Variants in NF1 observed in about 807,000 individuals in gnomAD.
NF1 encodes the protein neurofibromin.
A neutral mutation model predicts 325.7 loss-of-function variants in NF1; 122 were observed. The ratio of observed to expected loss-of-function variants is 0.37; its 90% CI spans 0.32 to 0.44. NF1 has a LOEUF of 0.44. NF1 is among the 20% of genes least tolerant of loss of function. The pLI, the probability that NF1 is intolerant of heterozygous loss-of-function variation, is 1.00. For synonymous variants in NF1, 1,091 were observed against 1,186.0 expected, an observed-to-expected ratio of 0.92 and a Z score of 1.65; for missense variants, 2,140 against 3,415.4, an observed-to-expected ratio of 0.63 and a Z score of 9.31.
At chr17:31,360,149 G>A in intron 56 of NF1, 1 of 352,266 alleles carries the variant, frequency 2.8e-6, no homozygotes, top group East Asian at 7.0e-5. Flanking sequence ...AATCTAAATG[G>A]CAGCTGGAAT....
At chr17:31,193,021 A>G (rs771312006) in intron 8 of NF1, among the ~76,000 whole-genome samples, 1 of 152,128 alleles carries the variant, frequency 6.6e-6, no homozygotes, top group Non-Finnish European at 1.5e-5. Context: ...TTTCCCAGGG[A>G]CAGCCACTGC....
In NF1 at chr17:31,259,116, G is replaced by C. The variant is rs587781790; in HGVS notation, c.4417G>C (p.Asp1473His). Residue 1473 changes from aspartate (D) to histidine (H), a missense_variant, in exon 33 of 58, where the codon GAT becomes CAT. This residue lies in a region of NF1 where 336 missense variants were observed against 399.0 expected (regional missense o/e 0.84). Transcript: ENST00000358273. ...CAATGATTTTGTGAAAAGCAACTTT[G>C]ATGCAGCACGCAGGTAATTTTCTTG... Reference protein sequence around the residue: ...PFNDFVKSNFDAARRFFLDIA... With the variant: ...PFNDFVKSNFHAARRFFLDIA... 5 of 1,600,482 alleles carry C rather than the reference G, an allele frequency of 3.1e-6. No individual in the cohort carries two copies. The highest frequency in any genetic ancestry group is 4.3e-6 in the Non-Finnish European group (5 of 1,171,364).
At chr17:31,107,078 TA>T (rs1912922690) in intron 1 of NF1, among the ~76,000 whole-genome samples, 2 of 152,162 alleles carry the variant, frequency 1.3e-5, no homozygotes, top group South Asian at 4.1e-4. Context: ...TTTTTCCCTA[TA>T]ACAACCCTCA....
intron 11 of NF1, among the ~76,000 whole-genome samples, chr17:31,202,496 A>G (rs2066548063): frequency 6.6e-6 from 1 of 152,172 alleles, no homozygotes; most frequent in Non-Finnish European, 1.5e-5. Context: ...TTGGTGATAC[A>G]TTTAATTTTT....
At chr17:31,352,526 T>A in intron 51 of NF1, 112 bp downstream of exon 51, 1 of 1,053,882 alleles carries the variant, frequency 9.5e-7, no homozygotes, top group Non-Finnish European at 1.3e-6. Flanking sequence ...CATGTCAGTG[T>A]AGCAAAGTTT....
rs876657547 is a variant in NF1, at chr17:31,336,853, A to G, written c.6366A>G (p.Thr2122=). 6.2e-7 allele frequency: 1 copy of G among 1,613,800 alleles called. No homozygotes were observed. Residue 2122 remains threonine, a synonymous_variant, in exon 42 of 58, where the codon ACA becomes ACG. Transcript: ENST00000358273. This position sits in a 1 kb window ranked among gnomAD's most constrained non-coding sequence, Gnocchi z 5.5. ...ATGPLSLRAS[T]HGLVINIIHS... ...GTCCGCTCTCCCTTAGAGCTTCCACACATGGACTGGTCATTAATATCATTC... is the reference window on the plus strand; with the variant it reads ...GTCCGCTCTCCCTTAGAGCTTCCACGCATGGACTGGTCATTAATATCATTC...
chr17:31,096,141 C>CCT (rs1555594770), intron 1 of NF1, among the ~76,000 whole-genome samples: 17 of 144,678 alleles, frequency 1.2e-4, no homozygotes, highest in African/African-American at 3.1e-4. Context: ...TCCCCCCCCC[C>CCT]TTTTTTTTTT....
chr17:31,328,472 A>G (rs1443305876), intron 38 of NF1, among the ~76,000 whole-genome samples: 2 of 152,186 alleles, frequency 1.3e-5, no homozygotes, highest in African/African-American at 4.8e-5. Flanking sequence ...TAGTTTCCTT[A>G]TTTGTGAAAT....
chr17:31,162,655 A>G (rs913028878), intron 3 of NF1, among the ~76,000 whole-genome samples: 7 of 152,230 alleles, frequency 4.6e-5, no homozygotes, highest in African/African-American at 1.7e-4. Flanking sequence ...AGAGATGCCA[A>G]GGCACATGGG....
chr17:31,232,903 A>G (rs375921732), intron 26 of NF1, 22 bp downstream of exon 26: 176 of 1,613,862 alleles, frequency 1.1e-4, no homozygotes, highest in Non-Finnish European at 1.4e-4. Flanking sequence ...TGAAAGTTTC[A>G]TATAGAAATA....
chr17:31,097,001 A>G lies in NF1; in HGVS notation c.60+1632A>G, dbSNP rs75018205. ...AGACTTCCAAAGCTGAACCTTGTGG[A>G]CAGCAGAATCTGGATGTAGGAAATT... On this transcript the variant is annotated intron_variant, in intron 1 of 57. Transcript: ENST00000358273. Among the ~76,000 whole-genome samples, 451 of 152,358 alleles carry G rather than the reference A, an allele frequency of 3.0e-3. 1 individual carries two copies. The highest frequency in any genetic ancestry group is 0.015 in the Admixed American group (226 of 15,302).
At chr17:31,287,613 G>T (rs1013473119) in intron 36 of NF1, among the ~76,000 whole-genome samples, 6 of 151,608 alleles carry the variant, frequency 4.0e-5, no homozygotes, top group Non-Finnish European at 8.8e-5. Flanking sequence ...AGGCTAGAGT[G>T]CAGTGGCATG....
intron 30 of NF1, chr17:31,249,964 A>T (rs570212307): frequency 2.0e-6 from 1 of 490,860 alleles, no homozygotes; most frequent in African/African-American, 1.9e-5. Context: ...GAGTCATCGC[A>T]GCCATTTGCT....
chr17:31,184,648 A>G (rs918411431), intron 8 of NF1, among the ~76,000 whole-genome samples: 1 of 144,736 alleles, frequency 6.9e-6, no homozygotes, highest in Non-Finnish European at 1.5e-5. Context: ...ACTCCGTCTC[A>G]AAAAAAAAAA....
intron 12 of NF1, 104 bp downstream of exon 12, chr17:31,206,475 G>C (rs1233339923): frequency 1.5e-6 from 2 of 1,321,756 alleles, no homozygotes; most frequent in East Asian, 4.7e-5. Flanking sequence ...GAATTGAATG[G>C]GTCCTTCATT....
chr17:31,210,907 G>GA (rs2066718413), intron 12 of NF1, among the ~76,000 whole-genome samples: 1 of 151,916 alleles, frequency 6.6e-6, no homozygotes, highest in Non-Finnish European at 1.5e-5. Context: ...TTTAATATTT[G>GA]AAATGTTTGT....
rs368164484 is a variant in NF1 at position 31,295,255 on chromosome 17, A to G, written c.4835+29916A>G. 27 of 1,613,896 alleles carry G rather than the reference A, an allele frequency of 1.7e-5. No individual in the cohort carries two copies. The East Asian group carries it at 4.0e-4, about 24-fold the overall frequency. ...TGAGGCTTGTGTTTGTGACCATTCC[A>G]TCTTGGAGATGAATAGTTAGAGTTG... is the stretch of plus-strand genomic sequence containing the variant. On this transcript the variant is annotated intron_variant, in intron 36 of 57. Coordinates refer to ENST00000358273, the MANE Select transcript of NF1 (RefSeq NM_001042492.3).
rs1468905074 is a variant in NF1 at position 31,305,185 on chromosome 17, A to G, written c.4836-20635A>G. ...TGATTGTTGAGTAAAAGTATAGACA[A>G]ATGACTTTGGTGGTTGTGTGGTAGA... On this transcript the variant is annotated intron_variant, in intron 36 of 57. Transcript: ENST00000358273. The G allele has an allele frequency of 3.1e-6, 5 of 1,613,958 alleles. No individual in the cohort carries two copies. In the African/African-American group the frequency reaches 4.0e-5, roughly 13 times the overall value.
intron 36 of NF1, chr17:31,294,880 G>T: frequency 8.2e-7 from 1 of 1,219,112 alleles, no homozygotes; most frequent in Non-Finnish European, 1.2e-6. Context: ...TTACATCAGA[G>T]TTAGAAATGT....
Sources: allele counts gnomAD v4.1 joint callset (sites outside exome capture counted in the v4.1 genomes callset), GRCh38; gene constraint gnomAD v4.1.1; regional missense constraint gnomAD v4.1.1; non-coding constraint Gnocchi (gnomAD v3.1); transcripts MANE v1.5; gene names NCBI Gene and HGNC (gene_info 2026-07-23, HGNC 2026-07-21).